The following IL7 variants were observed in gnomAD, a reference collection of about 807,000 sequenced individuals.
IL7 encodes the protein interleukin 7, also known as interleukin-7.
A neutral mutation model predicts 21.6 loss-of-function variants in IL7; 3 were observed. That is an observed-to-expected ratio of 0.14 (90% CI 0.06 to 0.36). The LOEUF (loss-of-function observed/expected upper bound fraction) is 0.36, where lower values mean the gene tolerates loss of function less well. Among genes scored for constraint, IL7 ranks in the 10% least tolerant of loss-of-function variants. The pLI is 1.00. For missense variants in IL7, 175 were observed against 200.2 expected (o/e 0.87, Z 0.76); for synonymous variants, 62 against 68.1 (o/e 0.91, Z 0.44).
downstream of IL7, among the ~76,000 whole-genome samples, chr8:78,716,884 G>C (rs1472304638): frequency 6.6e-6 from 1 of 152,052 alleles, no homozygotes; most frequent in Non-Finnish European, 1.5e-5. Flanking sequence ...TATAGTACCT[G>C]CCCCTTCTCT....
intron 2 of IL7, chr8:78,761,230 TA>T: frequency 6.3e-7 from 1 of 1,599,558 alleles, no homozygotes; most frequent in Non-Finnish European, 8.5e-7. Flanking sequence ...TGTCAAGTTC[TA>T]AAAGCAGTTG....
chr8:78,779,034 G>T (rs1174997617), intron 2 of IL7, among the ~76,000 whole-genome samples: 13 of 151,988 alleles, frequency 8.6e-5, no homozygotes, highest in Non-Finnish European at 1.5e-5. Flanking sequence ...TCATGATTTT[G>T]CTTTCTCCTT....
intron 2 of IL7, among the ~76,000 whole-genome samples, chr8:78,753,295 T>C (rs1812238291): frequency 6.6e-6 from 1 of 152,212 alleles, no homozygotes; most frequent in Admixed American, 6.5e-5. Flanking sequence ...TGAGATGATA[T>C]CTCTTTGTGG....
chr8:78,728,847 G>A (rs573691010), downstream of IL7, among the ~76,000 whole-genome samples: 7 of 151,910 alleles, frequency 4.6e-5, no homozygotes, highest in Non-Finnish European at 1.0e-4. Flanking sequence ...TTCTAGTCTG[G>A]ATAAATATAC....
chr8:78,731,520 T>C (rs1275193280), downstream of IL7, among the ~76,000 whole-genome samples: 1 of 151,966 alleles, frequency 6.6e-6, no homozygotes, highest in Non-Finnish European at 1.5e-5. Flanking sequence ...CAAAAATAAG[T>C]ATCTTCCCTC....
rs184688913 is a variant in IL7 at position 78,676,312 on chromosome 8, T to G, written n.274-208A>C. Reference sequence around the variant, plus strand: ...AGTAGTAAATGGTAGTTAATTATCCTTTTCTGTCAGCTCTTATTTATGTTT... The same window carrying G: ...AGTAGTAAATGGTAGTTAATTATCCGTTTCTGTCAGCTCTTATTTATGTTT... On this transcript the variant is annotated intron_variant and non_coding_transcript_variant, in intron 4 of 4. Transcript: ENST00000523959. 1.6e-4 allele frequency among the ~76,000 whole-genome samples: 24 copies of G among 152,078 alleles called. 1 individual carries two copies. The highest frequency in any genetic ancestry group is 1.5e-3 in the Admixed American group (23 of 15,268).
intron 3 of IL7, among the ~76,000 whole-genome samples, chr8:78,687,835 AATTAT>A (rs1365393305): frequency 1.2e-3 from 75 of 64,966 alleles, no homozygotes; most frequent in Non-Finnish European, 1.8e-3. Context: ...TCATGTAATA[AATTAT>A]ATATATATTT....
intron 1 of IL7, 85 bp downstream of exon 1, chr8:78,804,828 C>T: frequency 6.6e-7 from 1 of 1,526,682 alleles, no homozygotes; most frequent in East Asian, 2.3e-5. Context: ...CCGGACTTGC[C>T]TAGGAGCAGG....
downstream of IL7, among the ~76,000 whole-genome samples, chr8:78,713,049 T>C (rs1012171446): frequency 2.6e-5 from 4 of 152,140 alleles, no homozygotes; most frequent in Admixed American, 2.0e-4. Context: ...CTGATTCTAC[T>C]GTCAGAACTC....
chr8:78,716,409 C>G (rs1811104570), downstream of IL7, among the ~76,000 whole-genome samples: 1 of 152,130 alleles, frequency 6.6e-6, no homozygotes, highest in African/African-American at 2.4e-5. Context: ...AGGTGTGAGC[C>G]ACCGCACCCG....
At position 78,733,695 on chromosome 8, in the gene IL7, A is replaced by C; in HGVS notation, c.*18T>G. Reference sequence around the variant, plus strand: ...ATGCAGCTAAAGTTCGTGTTTCTATATTGCCACTCCATATTTTTCAGTGTT... The same window carrying C: ...ATGCAGCTAAAGTTCGTGTTTCTATCTTGCCACTCCATATTTTTCAGTGTT... On this transcript the variant is annotated 3_prime_UTR_variant, in exon 6 of 6. Coordinates refer to ENST00000263851, the MANE Select transcript of IL7 (RefSeq NM_000880.4). The C allele has an allele frequency of 6.3e-7, 1 of 1,593,308 alleles. No homozygotes were observed. Among genetic ancestry groups the C allele is most frequent in the South Asian group, 1.2e-5 (1 of 86,492 alleles).
At chr8:78,738,260 C>A (rs1811658606) in intron 4 of IL7, among the ~76,000 whole-genome samples, 1 of 152,130 alleles carries the variant, frequency 6.6e-6, no homozygotes, top group Admixed American at 6.5e-5. Flanking sequence ...GTTATTATGG[C>A]AATGAAGAAT....
chr8:78,760,371 T>G, intron 2 of IL7: 2 of 1,610,484 alleles, frequency 1.2e-6, no homozygotes, highest in South Asian at 2.2e-5. Context: ...CACAGAAGAA[T>G]ACACAGGACC....
intron 1 of IL7, among the ~76,000 whole-genome samples, chr8:78,803,307 T>C (rs1814155170): frequency 6.6e-6 from 1 of 152,126 alleles, no homozygotes; most frequent in South Asian, 2.1e-4. Context: ...TCTATTTTTA[T>C]TGCTATTCAA....
intron 2 of IL7, among the ~76,000 whole-genome samples, chr8:78,759,212 G>T (rs1812459128): frequency 1.6e-5 from 2 of 124,010 alleles, no homozygotes; most frequent in Admixed American, 7.9e-5. Flanking sequence ...ATTTCTGCTG[G>T]GTTCTTTTTT....
intron 2 of IL7, among the ~76,000 whole-genome samples, chr8:78,749,187 T>C (rs1169971482): frequency 6.6e-6 from 1 of 152,158 alleles, no homozygotes; most frequent in Non-Finnish European, 1.5e-5. Context: ...TATGTACTCG[T>C]GTATATTTTC....
At chr8:78,715,379 T>C, downstream of IL7, 1 of 1,507,794 alleles carries the variant, frequency 6.6e-7, no homozygotes. Context: ...GAGTATATGA[T>C]AGTTTTCCAA....
chr8:78,802,196 T>C (rs935111981), intron 1 of IL7, among the ~76,000 whole-genome samples: 6 of 152,200 alleles, frequency 3.9e-5, no homozygotes, highest in African/African-American at 1.4e-4. Flanking sequence ...GCTTAAGTTA[T>C]GGGGGTCAAA....
At chr8:78,693,502 A>G (rs1374516024) in intron 3 of IL7, among the ~76,000 whole-genome samples, 1 of 152,106 alleles carries the variant, frequency 6.6e-6, no homozygotes, top group Non-Finnish European at 1.5e-5. Flanking sequence ...ACATTTTTTC[A>G]TGTGTCTTTT....
Sources: gnomAD v4.1 joint callset for allele counts (sites outside exome capture counted in the v4.1 genomes callset) on GRCh38, gnomAD v4.1.1 for gene constraint, MANE v1.5 for transcripts, NCBI Gene and HGNC (gene_info 2026-07-23, HGNC 2026-07-21) for gene names.